ZFR2: variants seen among roughly 807,000 people sequenced by gnomAD.
ZFR2 encodes the protein zinc finger RNA-binding protein 2.
ZFR2 carries 104 observed loss-of-function variants against 105.7 expected under a neutral mutation model. The ratio of observed to expected loss-of-function variants is 0.98; its 90% CI spans 0.84 to 1.16. The LOEUF (loss-of-function observed/expected upper bound fraction) is 1.16. Among genes scored for constraint, ZFR2 ranks in the 50% most tolerant of loss-of-function variants. ZFR2 has a pLI of 0.00. For synonymous variants in ZFR2, 634 were observed against 597.7 expected (o/e 1.06, Z -0.89); for missense variants, 1,425 against 1,355.5 (o/e 1.05, Z -0.80).
chr19:3,865,988 C>A (rs950698121), intron 1 of ZFR2, among the ~76,000 whole-genome samples: 1 of 152,006 alleles, frequency 6.6e-6, no homozygotes, highest in Non-Finnish European at 1.5e-5. Flanking sequence ...ATTACAGGCG[C>A]GCGACACCAC....
chr19:3,862,964 T>C (rs1437279265), intron 1 of ZFR2, among the ~76,000 whole-genome samples: 1 of 152,230 alleles, frequency 6.6e-6, no homozygotes, highest in Non-Finnish European at 1.5e-5. Flanking sequence ...GCCCACGGTC[T>C]CACTTTCCTG....
chr19:3,837,309 G>C (rs2038085083), intron 1 of ZFR2, among the ~76,000 whole-genome samples: 2 of 152,162 alleles, frequency 1.3e-5, no homozygotes, highest in Non-Finnish European at 2.9e-5. Context: ...TGAACACCAT[G>C]ACTGTGGACA....
intron 1 of ZFR2, among the ~76,000 whole-genome samples, chr19:3,845,517 T>C (rs1971497328): frequency 6.8e-6 from 1 of 146,642 alleles, no homozygotes; most frequent in Admixed American, 6.9e-5. Flanking sequence ...ACATGGTCCC[T>C]ACAAGGTCAC....
chr19:3,811,964 G>C (rs2145134721), intron 14 of ZFR2, among the ~76,000 whole-genome samples: 1 of 152,046 alleles, frequency 6.6e-6, no homozygotes, highest in African/African-American at 2.4e-5. Context: ...TTTGTGTTGA[G>C]ATGGAGTCTC....
At chr19:3,832,339 T>C (rs2038026458) in intron 3 of ZFR2, among the ~76,000 whole-genome samples, 1 of 151,914 alleles carries the variant, frequency 6.6e-6, no homozygotes, top group South Asian at 2.1e-4. Context: ...TTTTTTTTTT[T>C]TGAGTCGGAG....
At chr19:3,833,505 G>A in intron 3 of ZFR2, 159 bp downstream of exon 3, 1 of 558,636 alleles carries the variant, frequency 1.8e-6, no homozygotes, top group Non-Finnish European at 3.2e-6. Context: ...TAACCTGGGA[G>A]GCGAAGCTTG....
At chr19:3,806,506 C>T (rs550562448) in intron 18 of ZFR2, among the ~76,000 whole-genome samples, 7 of 152,332 alleles carry the variant, frequency 4.6e-5, no homozygotes, top group African/African-American at 1.2e-4. Flanking sequence ...GTGATCCGCC[C>T]GCCTCGGCTT....
At chr19:3,847,253 G>A (rs1333369231) in intron 1 of ZFR2, among the ~76,000 whole-genome samples, 2 of 152,234 alleles carry the variant, frequency 1.3e-5, no homozygotes, top group Non-Finnish European at 2.9e-5. Flanking sequence ...GGGCAGGGGG[G>A]TGGCTCACAC....
In ZFR2 at chr19:3,838,208, T is replaced by C. The variant is rs2038099071; in HGVS notation, c.54-3225A>G. ...TGACACCCGATGAACATCCCGACAATACATTCGATGAACACCGTGACTACT... is the reference window on the plus strand; with the variant it reads ...TGACACCCGATGAACATCCCGACAACACATTCGATGAACACCGTGACTACT... On this transcript the variant is annotated intron_variant, in intron 1 of 18. Transcript: ENST00000262961. This position sits in a 1 kb window ranked among gnomAD's most constrained non-coding sequence, Gnocchi z 4.9. Among the ~76,000 whole-genome samples, 1 of 151,578 alleles carries C rather than the reference T, an allele frequency of 6.6e-6. No homozygotes were observed. The highest frequency in any genetic ancestry group is 2.4e-5 in the African/African-American group (1 of 41,198).
intron 6 of ZFR2, 61 bp from the exon 7 acceptor site, chr19:3,825,468 A>G: frequency 6.6e-7 from 1 of 1,510,334 alleles, no homozygotes; most frequent in Non-Finnish European, 8.8e-7. Flanking sequence ...GGCCTTTTTC[A>G]AGAGGCAGGA....
At chr19:3,839,205 G>C (rs1419145149) in intron 1 of ZFR2, among the ~76,000 whole-genome samples, 2 of 152,042 alleles carry the variant, frequency 1.3e-5, no homozygotes, top group Admixed American at 6.6e-5. Flanking sequence ...TCTTCTGGAA[G>C]TCTCAGAGAC....
chr19:3,813,202 G>T lies in ZFR2; in HGVS notation c.2242+618C>A, dbSNP rs779040166. On this transcript the variant is annotated intron_variant, in intron 14 of 18. Transcript: ENST00000262961. The surrounding 1 kb of genome is among the most constrained non-coding windows in gnomAD (Gnocchi z 4.4). ...AAAGATGATAGGAGTTTGGAAAACT[G>T]CCCTAGAGACTGTTCTGGAAGATTC... Among the ~76,000 whole-genome samples, 12 of 152,350 alleles carry T rather than the reference G, an allele frequency of 7.9e-5. No homozygotes were observed. Among genetic ancestry groups the T allele is most frequent in the Non-Finnish European group, 1.8e-4 (12 of 68,024 alleles).
chr19:3,862,748 T>C (rs2038386875), intron 1 of ZFR2, among the ~76,000 whole-genome samples: 1 of 152,262 alleles, frequency 6.6e-6, no homozygotes, highest in Non-Finnish European at 1.5e-5. Context: ...CATTTTCACG[T>C]GCAGCCGGCA....
At chr19:3,852,107 G>C (rs2038244356) in intron 1 of ZFR2, 1 of 341,812 alleles carries the variant, frequency 2.9e-6, no homozygotes, top group Non-Finnish European at 5.5e-6. Context: ...TGCTCAGCTG[G>C]GTGGCTCTTC....
Position 3,813,941 on chromosome 19 carries a change from C to G in ZFR2, c.2121G>C (p.Glu707Asp). 1 of 1,613,912 alleles carries G rather than the reference C, an allele frequency of 6.2e-7. No individual in the cohort carries two copies. The highest frequency in any genetic ancestry group is 8.5e-7 in the Non-Finnish European group (1 of 1,179,864). The change falls in exon 14 of 19, where the codon GAG (glutamate) becomes GAC (aspartate). Residue 707 changes from glutamate (E) to aspartate (D), a missense_variant. By Grantham distance (45) the Glu-to-Asp change is conservative (BLOSUM62 2). Coordinates refer to ENST00000262961, the MANE Select transcript of ZFR2 (RefSeq NM_015174.2). This position sits in a 1 kb window ranked among gnomAD's most constrained non-coding sequence, Gnocchi z 4.4. ...CTTCAGGGTCGGAGGAGACCTCATA[C>G]TCATCCTCGGTCACCATCTGGGAGG... is the stretch of plus-strand genomic sequence containing the variant. ...PRQLQMVTED[E>D]YEVSSDPEAN...
Position 3,814,571 on chromosome 19 carries a change from C to T in ZFR2, c.2104-613G>A, listed in dbSNP as rs191299245. On this transcript the variant is annotated intron_variant, in intron 13 of 18. Coordinates refer to ENST00000262961, the MANE Select transcript of ZFR2 (RefSeq NM_015174.2). The stretch of plus-strand genomic sequence containing the variant: ...CTGCTGCAAGGCAGCCCCCAGGGGG[C>T]TCCGTTGACATTACTGGGGTGGATG... 1.1e-4 allele frequency among the ~76,000 whole-genome samples: 17 copies of T among 152,336 alleles called. No homozygotes were observed. The East Asian group carries it at 3.3e-3, about 29-fold the overall frequency.
chr19:3,811,791 C>T (rs28500483), intron 14 of ZFR2, among the ~76,000 whole-genome samples: 7,429 of 151,588 alleles, frequency 0.049, 584 homozygotes, highest in African/African-American at 0.17. Context: ...GACAGGGTCT[C>T]GCTCTGTGGC....
At chr19:3,833,376 A>C (rs1327657608) in intron 3 of ZFR2, among the ~76,000 whole-genome samples, 1 of 152,040 alleles carries the variant, frequency 6.6e-6, no homozygotes, top group African/African-American at 2.4e-5. Context: ...GGAGATGGAG[A>C]CCATCCTGGC....
At chr19:3,822,411 C>T (rs2037906249) in intron 8 of ZFR2, among the ~76,000 whole-genome samples, 1 of 151,678 alleles carries the variant, frequency 6.6e-6, no homozygotes, top group African/African-American at 2.4e-5. Context: ...CTCCTGGGCT[C>T]AAGCGATCCT....
Sources: allele counts gnomAD v4.1 joint callset (sites outside exome capture counted in the v4.1 genomes callset), GRCh38; gene constraint gnomAD v4.1.1; non-coding constraint Gnocchi (gnomAD v3.1); transcripts MANE v1.5; gene names NCBI Gene and HGNC (gene_info 2026-07-23, HGNC 2026-07-21).